The following PRKG1 variants were observed in gnomAD, a reference collection of about 807,000 sequenced individuals.
The protein encoded by PRKG1 is cGMP-dependent protein kinase 1.
Under a neutral mutation model 88.1 loss-of-function variants are expected in PRKG1, and 35 were observed. The ratio of observed to expected loss-of-function variants is 0.40; its 90% CI spans 0.30 to 0.53. The LOEUF (loss-of-function observed/expected upper bound fraction) is 0.53. Ranked by LOEUF, PRKG1 falls within the 20% of genes least tolerant of loss-of-function variation. The pLI is 0.59. For missense variants in PRKG1, 540 were observed against 839.8 expected, an observed-to-expected ratio of 0.64 and a Z score of 4.41; for synonymous variants, 303 against 292.5, an observed-to-expected ratio of 1.04 and a Z score of -0.37.
intron 4 of PRKG1, among the ~76,000 whole-genome samples, chr10:51,846,164 T>C (rs973155172): frequency 1.3e-5 from 2 of 152,150 alleles, no homozygotes; most frequent in African/African-American, 4.8e-5. Context: ...ATAAAGTTCA[T>C]AGAAACAACC....
chr10:51,977,033 G>T (rs1843854237), intron 5 of PRKG1, among the ~76,000 whole-genome samples: 1 of 151,938 alleles, frequency 6.6e-6, no homozygotes, highest in South Asian at 2.1e-4. Flanking sequence ...GGTAAACTTT[G>T]TCATGGGGTA....
At chr10:51,059,329 CAT>C (rs903101818) in intron 1 of PRKG1, among the ~76,000 whole-genome samples, 3 of 152,048 alleles carry the variant, frequency 2.0e-5, no homozygotes, top group African/African-American at 4.8e-5. Flanking sequence ...ATTTTGTGTG[CAT>C]GTGTGTGTGT....
At chr10:51,071,449 C>T (rs1367892971), upstream of PRKG1, among the ~76,000 whole-genome samples, 3 of 152,106 alleles carry the variant, frequency 2.0e-5, no homozygotes, top group African/African-American at 7.2e-5. Flanking sequence ...ATATTCTATT[C>T]CTTGAACACC....
Position 51,271,906 on chromosome 10 carries a change from G to T in PRKG1, c.478+118576G>T, listed in dbSNP as rs184335509. On this transcript the variant is annotated intron_variant, in intron 2 of 17. Transcript: ENST00000373980. ...TGTGCATGTGTCTTTATAGTAGAAT[G>T]ATTTATAATTCTTTGGGTGTATACC... 4.0e-3 allele frequency among the ~76,000 whole-genome samples: 602 copies of T among 152,308 alleles called. 3 individuals are homozygous for T. The highest frequency in any genetic ancestry group is 0.014 in the African/African-American group (574 of 41,566).
intron 2 of PRKG1, among the ~76,000 whole-genome samples, chr10:51,464,314 C>A (rs974850386): frequency 6.6e-6 from 1 of 151,824 alleles, no homozygotes; most frequent in South Asian, 2.1e-4. Flanking sequence ...TTGGATCATT[C>A]TCATCTATCA....
At chr10:51,942,666 C>T (rs1842936015) in intron 5 of PRKG1, among the ~76,000 whole-genome samples, 1 of 148,932 alleles carries the variant, frequency 6.7e-6, no homozygotes, top group Non-Finnish European at 1.5e-5. Context: ...CAGCTTTCTA[C>T]ATATGGCTAG....
chr10:51,866,510 TAGAA>T (rs1220947230), intron 4 of PRKG1, among the ~76,000 whole-genome samples: 1 of 152,108 alleles, frequency 6.6e-6, no homozygotes, highest in African/African-American at 2.4e-5. Context: ...CTTTCTGTAA[TAGAA>T]AGCTTAAAAG....
chr10:51,737,574 T>C (rs1465977403), intron 3 of PRKG1, among the ~76,000 whole-genome samples: 1 of 152,094 alleles, frequency 6.6e-6, no homozygotes, highest in African/African-American at 2.4e-5. Flanking sequence ...GGACTCTCAC[T>C]GCAGTTCATT....
At chr10:51,042,627 G>A (rs933193784) in intron 1 of PRKG1, among the ~76,000 whole-genome samples, 17 of 152,222 alleles carry the variant, frequency 1.1e-4, no homozygotes, top group Admixed American at 4.6e-4. Flanking sequence ...TGTCACCCGC[G>A]GAACAGAGAA....
intron 2 of PRKG1, among the ~76,000 whole-genome samples, chr10:51,392,396 C>T (rs2132649448): frequency 6.6e-6 from 1 of 152,170 alleles, no homozygotes; most frequent in Admixed American, 6.5e-5. Flanking sequence ...GCCCTTAATC[C>T]ATTTAACCCT....
At chr10:52,274,966 C>T (rs1190920032) in intron 12 of PRKG1, among the ~76,000 whole-genome samples, 1 of 152,040 alleles carries the variant, frequency 6.6e-6, no homozygotes, top group East Asian at 1.9e-4. Flanking sequence ...CGTTTATTGG[C>T]CATTTGTATA....
chr10:52,144,438 G>A (rs10824126), intron 8 of PRKG1, among the ~76,000 whole-genome samples: 10,086 of 152,182 alleles, frequency 0.066, 564 homozygotes, highest in East Asian at 0.34. Context: ...ATTACAATGG[G>A]GAGGAACTCA....
chr10:51,172,100 C>A (rs141867497), intron 2 of PRKG1, among the ~76,000 whole-genome samples: 318 of 152,048 alleles, frequency 2.1e-3, no homozygotes, highest in Non-Finnish European at 2.9e-3. Context: ...AGGGTATTTA[C>A]CTAACACATT....
chr10:51,765,219 G>T (rs1015992437), intron 3 of PRKG1, among the ~76,000 whole-genome samples: 1 of 152,146 alleles, frequency 6.6e-6, no homozygotes, highest in East Asian at 1.9e-4. Context: ...AGGGAAAAAA[G>T]AATGCTGAGG....
At chr10:51,205,479 C>T (rs1838034609) in intron 2 of PRKG1, among the ~76,000 whole-genome samples, 2 of 151,214 alleles carry the variant, frequency 1.3e-5, no homozygotes, top group South Asian at 2.1e-4. Flanking sequence ...CAATTTCCAC[C>T]CTGCCTCCTG....
At chr10:51,648,285 C>A (rs1013328307) in intron 3 of PRKG1, among the ~76,000 whole-genome samples, 3 of 152,102 alleles carry the variant, frequency 2.0e-5, no homozygotes, top group African/African-American at 7.2e-5. Flanking sequence ...ATCTCCACCG[C>A]TATCCAAAGT....
chr10:51,827,229 C>G lies in PRKG1; in HGVS notation c.698+22539C>G, dbSNP rs374654440. Reference sequence around the variant, plus strand: ...AGCCATTTTCGTATATACCCACCAACTGACAAGATTATCATACAAATAAAT... The same window carrying G: ...AGCCATTTTCGTATATACCCACCAAGTGACAAGATTATCATACAAATAAAT... On this transcript the variant is annotated intron_variant, in intron 4 of 17. Transcript: ENST00000373980. Among the ~76,000 whole-genome samples the G allele has an allele frequency of 1.3e-5, 2 of 152,008 alleles. 1 individual carries two copies. The highest frequency in any genetic ancestry group is 3.8e-4 in the East Asian group (2 of 5,196).
chr10:51,213,867 C>A (rs1467057677), intron 2 of PRKG1, among the ~76,000 whole-genome samples: 1 of 151,800 alleles, frequency 6.6e-6, no homozygotes, highest in Non-Finnish European at 1.5e-5. Flanking sequence ...TTGTTTTATT[C>A]ATGTGTTATT....
intron 3 of PRKG1, among the ~76,000 whole-genome samples, chr10:51,675,493 C>T (rs955777790): frequency 7.2e-5 from 11 of 152,112 alleles, no homozygotes; most frequent in Admixed American, 7.2e-4. Flanking sequence ...ATAAGATTCC[C>T]TTTCAGGGTA....
Sources: allele counts gnomAD v4.1 joint callset (sites outside exome capture counted in the v4.1 genomes callset), GRCh38; gene constraint gnomAD v4.1.1; transcripts MANE v1.5; gene names NCBI Gene and HGNC (gene_info 2026-07-23, HGNC 2026-07-21).